Variants in MAML2 observed in about 807,000 individuals in gnomAD.
The protein encoded by MAML2 is mastermind like transcriptional coactivator 2.
Under a neutral mutation model 96.1 loss-of-function variants are expected in MAML2, and 22 were observed. That is an observed-to-expected ratio of 0.23 (90% CI 0.16 to 0.33). MAML2 has a LOEUF of 0.33. MAML2 is among the 10% of genes least tolerant of loss of function. The probability of loss-of-function intolerance (pLI) is 1.00; values close to 1 mark genes in which losing one functional copy is unlikely to be tolerated. For synonymous variants in MAML2, 561 were observed against 521.3 expected (o/e 1.08, Z -1.04); for missense variants, 1,367 against 1,392.4 (o/e 0.98, Z 0.29).
At position 96,093,196 on chromosome 11, in the gene MAML2, T is replaced by G; in HGVS notation, c.835A>C (p.Met279Leu). 1.2e-6 allele frequency: 2 copies of G among 1,614,060 alleles called. No individual in the cohort carries two copies. The highest frequency in any genetic ancestry group is 1.7e-6 in the Non-Finnish European group (2 of 1,179,910). The change falls in exon 2 of 5, where the codon ATG becomes CTG. Residue 279 changes from methionine (M) to leucine (L), a missense_variant. Transcript: ENST00000524717. ...PGETLSCSKHMDGQMTQENIF... is the reference protein window; with the variant it reads ...PGETLSCSKHLDGQMTQENIF... Reference sequence around the variant, plus strand: ...TTCTCTTGGGTCATTTGGCCATCCATGTGCTTACTGCAAGACAGAGTCTCT... The same window carrying G: ...TTCTCTTGGGTCATTTGGCCATCCAGGTGCTTACTGCAAGACAGAGTCTCT...
chr11:96,238,065 T>C (rs951329458), intron 1 of MAML2, among the ~76,000 whole-genome samples: 1 of 152,236 alleles, frequency 6.6e-6, no homozygotes, highest in African/African-American at 2.4e-5. Flanking sequence ...AGCTTTTGTA[T>C]ACTCTATGCC....
At chr11:96,142,970 C>T (rs764753427) in intron 1 of MAML2, among the ~76,000 whole-genome samples, 9 of 152,238 alleles carry the variant, frequency 5.9e-5, no homozygotes, top group African/African-American at 1.7e-4. Context: ...AGTAAAATAA[C>T]GTAGGACCTT....
Position 96,337,262 on chromosome 11 carries a change from C to T in MAML2, c.513+4121G>A, listed in dbSNP as rs1210705498. Among the ~76,000 whole-genome samples, 3 of 152,116 alleles carry T rather than the reference C, an allele frequency of 2.0e-5. No homozygotes were observed. The East Asian group carries it at 5.8e-4, about 29-fold the overall frequency. On this transcript the variant is annotated intron_variant, in intron 1 of 4. Coordinates refer to ENST00000524717, the MANE Select transcript of MAML2 (RefSeq NM_032427.4). ...ATCACTGTCCTAGGAGGACATTTAT[C>T]ATGTAGACAGCCATAGATACCCAGA... is the stretch of plus-strand genomic sequence containing the variant.
Position 95,979,575 on chromosome 11 carries a change from T to G in MAML2, c.2844A>C (p.Pro948=), listed in dbSNP as rs745357408. Residue 948 remains proline (P), a synonymous_variant, in exon 5 of 5, where the codon CCA becomes CCC. Coordinates refer to ENST00000524717, the MANE Select transcript of MAML2 (RefSeq NM_032427.4). ...PNLTHSMASM[P]PQRTSNVMIT... is the part of the protein sequence containing the mutation. ...TCATTACGTTTGATGTTCTCTGTGG[T>G]GGCATGCTTGCCATACTATGGGTTA... is the stretch of plus-strand genomic sequence containing the variant. 13 of 1,613,988 alleles carry G rather than the reference T, an allele frequency of 8.1e-6. No homozygotes were observed. In the Admixed American group the frequency reaches 2.2e-4, roughly 27 times the overall value.
intron 1 of MAML2, among the ~76,000 whole-genome samples, chr11:96,241,240 G>T (rs1033660169): frequency 6.6e-6 from 1 of 152,220 alleles, no homozygotes; most frequent in African/African-American, 2.4e-5. Context: ...TAGTGCTTTA[G>T]CAGAGAAACC....
intron 1 of MAML2, among the ~76,000 whole-genome samples, chr11:96,192,066 G>A (rs562724352): frequency 2.6e-5 from 4 of 152,180 alleles, no homozygotes; most frequent in African/African-American, 4.8e-5. Flanking sequence ...AAGGTTACAC[G>A]TCTGCAGTTT....
chr11:96,237,965 C>T (rs903474035), intron 1 of MAML2, among the ~76,000 whole-genome samples: 5 of 152,220 alleles, frequency 3.3e-5, no homozygotes, highest in Admixed American at 6.5e-5. Flanking sequence ...AAAAATTGCT[C>T]AATATTCTGC....
chr11:96,237,500 C>A (rs916480483), intron 1 of MAML2, among the ~76,000 whole-genome samples: 5 of 152,200 alleles, frequency 3.3e-5, no homozygotes, highest in African/African-American at 1.2e-4. Flanking sequence ...GATTTTCTAA[C>A]TCCAATTAAA....
rs771918587 is a variant in MAML2, at chr11:96,092,604, C to A, written c.1427G>T (p.Gly476Val). 4.8e-5 allele frequency: 78 copies of A among 1,611,556 alleles called. No individual in the cohort carries two copies. The highest frequency in any genetic ancestry group is 1.6e-4 in the Middle Eastern group (1 of 6,076). Residue 476 changes from glycine (G) to valine (V), a missense_variant, in exon 2 of 5, where the codon GGG becomes GTG. Physicochemically the swap from Gly to Val is moderately radical, Grantham distance 109. Transcript: ENST00000524717. This position sits in a 1 kb window ranked among gnomAD's most constrained non-coding sequence, Gnocchi z 4.1. The part of the protein sequence containing the change: ...SSAGPSPGPF[G>V]QEKIPSPSFG... ...AGAAGGGCTGGGGATTTTCTCCTGC[C>A]CAAATGGACCTGGTGATGGTCCAGC...
chr11:96,231,999 G>C (rs924456250), intron 1 of MAML2, among the ~76,000 whole-genome samples: 1 of 152,154 alleles, frequency 6.6e-6, no homozygotes. Context: ...GCTAGATAGG[G>C]ATATTTTATT....
At chr11:96,058,408 C>T (rs965046104) in intron 2 of MAML2, among the ~76,000 whole-genome samples, 3 of 152,200 alleles carry the variant, frequency 2.0e-5, no homozygotes, top group Non-Finnish European at 4.4e-5. Context: ...CAACATCTGC[C>T]TCTCGAGTTC....
At chr11:96,276,463 A>G (rs192588109) in intron 1 of MAML2, among the ~76,000 whole-genome samples, 25 of 152,326 alleles carry the variant, frequency 1.6e-4, no homozygotes, top group Admixed American at 1.6e-3. Flanking sequence ...GTCACAGAGG[A>G]CCGCATTTAA....
At chr11:96,124,623 T>C (rs992520453) in intron 1 of MAML2, among the ~76,000 whole-genome samples, 2 of 152,192 alleles carry the variant, frequency 1.3e-5, no homozygotes, top group Non-Finnish European at 1.5e-5. Flanking sequence ...CAGGCCTCCT[T>C]CTCCTTATCA....
At chr11:96,258,738 C>T (rs1862705573) in intron 1 of MAML2, among the ~76,000 whole-genome samples, 1 of 152,226 alleles carries the variant, frequency 6.6e-6, no homozygotes, top group Non-Finnish European at 1.5e-5. Flanking sequence ...AGCAGAGAGG[C>T]CCATCTGCCT....
At chr11:96,181,296 A>T (rs1361796764) in intron 1 of MAML2, among the ~76,000 whole-genome samples, 1 of 152,120 alleles carries the variant, frequency 6.6e-6, no homozygotes, top group African/African-American at 2.4e-5. Flanking sequence ...CTAGTGGTTA[A>T]ATACTGGTGA....
intron 1 of MAML2, among the ~76,000 whole-genome samples, chr11:96,314,809 G>C (rs1591128181): frequency 6.6e-6 from 1 of 152,242 alleles, no homozygotes; most frequent in African/African-American, 2.4e-5. Flanking sequence ...CAGAGGGGAA[G>C]TAGTTATGGG....
intron 1 of MAML2, among the ~76,000 whole-genome samples, chr11:96,183,401 C>CG (rs202128826): frequency 0.016 from 940 of 58,408 alleles, 19 homozygotes; most frequent in African/African-American, 0.061. Context: ...CCTCCCCCCC[C>CG]CCCCTTTCTT....
chr11:96,185,500 A>C (rs919981709), intron 1 of MAML2, among the ~76,000 whole-genome samples: 1 of 152,162 alleles, frequency 6.6e-6, no homozygotes, highest in South Asian at 2.1e-4. Context: ...GCTCTCAAGG[A>C]AATTACTCAT....
At chr11:96,263,935 A>C (rs780475012) in intron 1 of MAML2, among the ~76,000 whole-genome samples, 5 of 152,234 alleles carry the variant, frequency 3.3e-5, no homozygotes, top group Non-Finnish European at 7.3e-5. Context: ...TAGTGTATTA[A>C]CAGACCTCCT....
Sources: allele counts gnomAD v4.1 joint callset (sites outside exome capture counted in the v4.1 genomes callset), GRCh38; gene constraint gnomAD v4.1.1; non-coding constraint Gnocchi (gnomAD v3.1); transcripts MANE v1.5; gene names NCBI Gene and HGNC (gene_info 2026-07-23, HGNC 2026-07-21).